The following CACUL1 variants were observed in gnomAD, a reference collection of about 807,000 sequenced individuals.
The protein encoded by CACUL1 is CDK2 associated cullin domain 1.
Under a neutral mutation model 45.2 loss-of-function variants are expected in CACUL1, and 13 were observed. That is an observed-to-expected ratio of 0.29 (90% CI 0.19 to 0.46). The LOEUF (loss-of-function observed/expected upper bound fraction) is 0.46. Among genes scored for constraint, CACUL1 ranks in the 20% least tolerant of loss-of-function variants. The pLI is 1.00. For missense variants in CACUL1, 421 were observed against 471.4 expected (o/e 0.89, Z 0.99); for synonymous variants, 197 against 174.2 (o/e 1.13, Z -1.03).
chr10:118,699,346 G>A (rs1845354395), intron 5 of CACUL1, among the ~76,000 whole-genome samples: 1 of 152,146 alleles, frequency 6.6e-6, no homozygotes. Flanking sequence ...ACCTTTAAGT[G>A]TAATTTTTAT....
chr10:118,739,517 G>A (rs949875386), intron 1 of CACUL1, among the ~76,000 whole-genome samples: 7 of 152,114 alleles, frequency 4.6e-5, no homozygotes, highest in Admixed American at 1.3e-4. Context: ...GTTATTTTCC[G>A]TTAAGAATTC....
At chr10:118,734,288 T>C (rs1482106156) in intron 1 of CACUL1, among the ~76,000 whole-genome samples, 1 of 152,256 alleles carries the variant, frequency 6.6e-6, no homozygotes, top group African/African-American at 2.4e-5. Context: ...TGTGCCAGTG[T>C]ACTGTGCCAG....
intron 2 of CACUL1, among the ~76,000 whole-genome samples, chr10:118,729,636 G>A (rs930818103): frequency 6.6e-6 from 1 of 152,164 alleles, no homozygotes; most frequent in East Asian, 1.9e-4. Flanking sequence ...CATTTAATCA[G>A]TACTAGAGAA....
At chr10:118,730,033 T>C (rs7089920) in intron 2 of CACUL1, among the ~76,000 whole-genome samples, 22,869 of 152,222 alleles carry the variant, frequency 0.15, 2,158 homozygotes, top group African/African-American at 0.27. Context: ...ATTCTTGCTT[T>C]TATTGCTGAC....
chr10:118,699,943 C>T (rs1378438100), intron 5 of CACUL1, among the ~76,000 whole-genome samples: 5 of 151,846 alleles, frequency 3.3e-5, no homozygotes, highest in East Asian at 1.9e-4. Context: ...CCACTGCGCC[C>T]GGCCAAGACA....
At chr10:118,739,381 A>C (rs1393743633) in intron 1 of CACUL1, among the ~76,000 whole-genome samples, 1 of 152,180 alleles carries the variant, frequency 6.6e-6, no homozygotes, top group Non-Finnish European at 1.5e-5. Context: ...AAATATTAAC[A>C]CATTAATATA....
At chr10:118,726,414 TAA>T (rs1329008696) in intron 3 of CACUL1, 1 of 944,418 alleles carries the variant, frequency 1.1e-6, no homozygotes, top group African/African-American at 1.7e-5. Flanking sequence ...ACACTAAGGA[TAA>T]AAAGACAAAC....
intron 1 of CACUL1, among the ~76,000 whole-genome samples, chr10:118,753,277 C>T (rs970486264): frequency 1.3e-5 from 2 of 152,250 alleles, no homozygotes; most frequent in Non-Finnish European, 2.9e-5. Flanking sequence ...AAGGCAGTAT[C>T]TTGGGGCAAA....
At chr10:118,753,219 A>G (rs1845914631) in intron 1 of CACUL1, among the ~76,000 whole-genome samples, 1 of 152,270 alleles carries the variant, frequency 6.6e-6, no homozygotes, top group South Asian at 2.1e-4. Flanking sequence ...GAATAAGGAG[A>G]AAAAGCGTAT....
At chr10:118,750,505 T>G (rs1490633146) in intron 1 of CACUL1, among the ~76,000 whole-genome samples, 1 of 152,226 alleles carries the variant, frequency 6.6e-6, no homozygotes, top group African/African-American at 2.4e-5. Context: ...ACACCATCCC[T>G]GGCACCTACC....
rs1845149975 is a variant in CACUL1 at position 118,681,229 on chromosome 10, A to C, written c.*4899T>G. The C allele has an allele frequency of 6.6e-6, 1 of 152,238 alleles. No homozygotes were observed. Among genetic ancestry groups the C allele is most frequent in the Admixed American group, 6.5e-5 (1 of 15,282 alleles). 9.4% of individuals were successfully genotyped at this position (152,238 alleles called of 1,614,324 possible). A position where few individuals can be genotyped will look rare whatever the true frequency, so the allele number is the denominator to read the frequency against. On this transcript the variant is annotated 3_prime_UTR_variant, in exon 9 of 9. Coordinates refer to ENST00000369151, the MANE Select transcript of CACUL1 (RefSeq NM_153810.5). The stretch of plus-strand genomic sequence containing the variant: ...TGACATACAAGCACCACTAGGAACA[A>C]GACTTCATTGCTTCATCCTTGCTCT...
In CACUL1 at chr10:118,686,037, AGT is replaced by A. The variant is rs1159183560; in HGVS notation, c.*89_*90del. The A allele has an allele frequency of 7.2e-6, 6 of 829,354 alleles. No individual in the cohort carries two copies. The East Asian group carries it at 1.5e-4, about 21-fold the overall frequency. The allele number at this position is 829,354 out of a possible 1,614,324, so 51.4% of individuals were successfully genotyped here. On this transcript the variant is annotated 3_prime_UTR_variant, in exon 9 of 9. Transcript: ENST00000369151. ...GAACAGCTTTGTGACAGAGCTCCTG[AGT>A]GTGTGCAGCCCCCACTGTGCTCTGA...
intron 6 of CACUL1, chr10:118,693,679 A>G (rs1845293239): frequency 2.2e-6 from 1 of 452,946 alleles, no homozygotes; most frequent in Middle Eastern, 3.3e-4. Context: ...AGGAAAAAAA[A>G]TCATTCATAA....
chr10:118,748,236 A>G (rs1193024628), intron 1 of CACUL1, among the ~76,000 whole-genome samples: 2 of 152,180 alleles, frequency 1.3e-5, no homozygotes, highest in Admixed American at 1.3e-4. Context: ...CAGGAATGCA[A>G]TCACTCTTGA....
At chr10:118,703,949 A>G (rs1845408652) in intron 4 of CACUL1, among the ~76,000 whole-genome samples, 1 of 151,258 alleles carries the variant, frequency 6.6e-6, no homozygotes, top group African/African-American at 2.5e-5. Context: ...TTTGTCTTAT[A>G]TTTTCCAATT....
Position 118,676,853 on chromosome 10 carries a change from CA to C in CACUL1, c.*9274del, listed in dbSNP as rs1194567301. The C allele has an allele frequency of 6.6e-6, 1 of 151,666 alleles. No individual in the cohort carries two copies. The highest frequency in any genetic ancestry group is 2.4e-5 in the African/African-American group (1 of 41,088). 9.4% of individuals were successfully genotyped at this position (151,666 alleles called of 1,614,324 possible). On this transcript the variant is annotated 3_prime_UTR_variant, in exon 9 of 9. Coordinates refer to ENST00000369151, the MANE Select transcript of CACUL1 (RefSeq NM_153810.5). ...ATATGTCTATGTACACACACACACA[CA>C]CACACACACACACACACACTGGGGT...
At chr10:118,715,880 T>C (rs973569225) in intron 3 of CACUL1, among the ~76,000 whole-genome samples, 16 of 152,332 alleles carry the variant, frequency 1.1e-4, no homozygotes, top group African/African-American at 3.4e-4. Context: ...AAAACATGTA[T>C]CTTTGTAAAA....
At chr10:118,723,076 T>C (rs1339175732) in intron 3 of CACUL1, among the ~76,000 whole-genome samples, 2 of 151,342 alleles carry the variant, frequency 1.3e-5, no homozygotes, top group African/African-American at 2.5e-5. Context: ...CAATCTGAAA[T>C]TGTCTTCCTT....
Position 118,743,429 on chromosome 10 carries a change from G to A in CACUL1, c.367+10967C>T, listed in dbSNP as rs150937354. Among the ~76,000 whole-genome samples, 125 of 152,010 alleles carry A rather than the reference G, an allele frequency of 8.2e-4. 1 individual carries two copies. In the Middle Eastern group the frequency reaches 0.017, roughly 21 times the overall value. On this transcript the variant is annotated intron_variant, in intron 1 of 8. Transcript: ENST00000369151. ...TTTAAAAGTACCCAGGAAAAAAAGG[G>A]GCATATTATATATAGAGAAACAAAG...
Sources: allele counts gnomAD v4.1 joint callset (sites outside exome capture counted in the v4.1 genomes callset), GRCh38; gene constraint gnomAD v4.1.1; transcripts MANE v1.5; gene names NCBI Gene and HGNC (gene_info 2026-07-23, HGNC 2026-07-21).